The following AK6 variants were observed in gnomAD, a reference collection of about 807,000 sequenced individuals.
The protein encoded by AK6 is adenylate kinase isoenzyme 6.
A neutral mutation model predicts 23.7 loss-of-function variants in AK6; 24 were observed. The ratio of observed to expected loss-of-function variants is 1.01; its 90% confidence interval spans 0.73 to 1.43. AK6 has a LOEUF of 1.43. AK6 is among the 40% of genes most tolerant of loss of function. AK6 has a pLI of 0.00. For missense variants in AK6, 191 were observed against 199.1 expected (o/e 0.96, Z 0.24); for synonymous variants, 73 against 69.8 (o/e 1.05, Z -0.23).
Position 69,367,944 on chromosome 5 carries a change from C to T in AK6, c.29-1349G>A, listed in dbSNP as rs373604211. 6.6e-5 allele frequency: 10 copies of T among 152,278 alleles called. 2 individuals carry two copies. The highest frequency in any genetic ancestry group is 2.2e-4 in the African/African-American group (9 of 41,564). The allele number at this position is 152,278 out of a possible 1,614,324, so 9.4% of individuals were successfully genotyped here. On this transcript the variant is annotated intron_variant, in intron 1 of 4. Transcript: ENST00000380822. ...ATTTGGGAGGAGAAGGCGGGAGGAT[C>T]GCTTAAGCGCAGGAGTTCGAGACCA...
chr5:69,353,125 T>C (rs1761990930), intron 4 of AK6, among the ~76,000 whole-genome samples: 1 of 151,994 alleles, frequency 6.6e-6, no homozygotes, highest in African/African-American at 2.4e-5. Flanking sequence ...ACAAACTAAT[T>C]TGACAGGAGA....
chr5:69,356,494 A>G lies in AK6; in HGVS notation c.122-541T>C, dbSNP rs187785455. ...GAGAACCTGTTTCTACAGAAAAAAA[A>G]AAAAAAATTAGGCAGGCATGGTGGT... On this transcript the variant is annotated intron_variant, in intron 2 of 4. Coordinates refer to ENST00000380822, the MANE Select transcript of AK6 (RefSeq NM_016283.5). Among the ~76,000 whole-genome samples, 43 of 151,990 alleles carry G rather than the reference A, an allele frequency of 2.8e-4. No individual in the cohort carries two copies. The East Asian group carries it at 8.3e-3, about 29-fold the overall frequency.
At chr5:69,354,701 T>G (rs890914698) in intron 4 of AK6, among the ~76,000 whole-genome samples, 3 of 152,244 alleles carry the variant, frequency 2.0e-5, no homozygotes, top group Admixed American at 2.0e-4. Context: ...TTTCATAAGC[T>G]TTCCCACTCC....
chr5:69,366,163 T>A (rs1274882165), intron 2 of AK6, among the ~76,000 whole-genome samples: 2 of 152,238 alleles, frequency 1.3e-5, no homozygotes, highest in Non-Finnish European at 2.9e-5. Flanking sequence ...ATACTCACTG[T>A]GCTCATATAT....
In AK6 at chr5:69,364,658, T is replaced by C. The variant is rs962121245; in HGVS notation, c.121+1845A>G. On this transcript the variant is annotated intron_variant, in intron 2 of 4. Coordinates refer to ENST00000380822, the MANE Select transcript of AK6 (RefSeq NM_016283.5). ...CAAAAATAGACTGCAGTACTGCAAA[T>C]TGCTGCAACTGCCAACTGTTACTCC... 18 of 513,758 alleles carry C rather than the reference T, an allele frequency of 3.5e-5. No individual in the cohort carries two copies. In the South Asian group the frequency reaches 3.7e-4, roughly 11 times the overall value. 31.8% of individuals were successfully genotyped at this position (513,758 alleles called of 1,614,324 possible). A position where few individuals can be genotyped will look rare whatever the true frequency, so the allele number is the denominator to read the frequency against.
At position 69,351,734 on chromosome 5, in the gene AK6, T is replaced by C. The variant is rs1385399189; in HGVS notation, c.*327A>G. The C allele has an allele frequency of 5.1e-6, 1 of 197,618 alleles. No individual in the cohort carries two copies. The highest frequency in any genetic ancestry group is 1.2e-4 in the East Asian group (1 of 8,320). 12.2% of individuals were successfully genotyped at this position (197,618 alleles called of 1,614,324 possible). On this transcript the variant is annotated 3_prime_UTR_variant, in exon 5 of 5. Coordinates refer to ENST00000380822, the MANE Select transcript of AK6 (RefSeq NM_016283.5). ...AAAAAAGGAATACTCTGTTGCTTTATCTTTAGTTTTATTTTAAGAGATCAT... is the reference window on the plus strand; with the variant it reads ...AAAAAAGGAATACTCTGTTGCTTTACCTTTAGTTTTATTTTAAGAGATCAT...
chr5:69,365,265 C>G (rs1762370987), intron 2 of AK6: 1 of 1,614,022 alleles, frequency 6.2e-7, no homozygotes, highest in African/African-American at 1.3e-5. Context: ...TGTGGGAGTA[C>G]TTGGTCTGCT....
At chr5:69,356,675 A>G (rs560450615) in intron 2 of AK6, among the ~76,000 whole-genome samples, 24 of 152,154 alleles carry the variant, frequency 1.6e-4, no homozygotes, top group African/African-American at 5.5e-4. Flanking sequence ...GAAAAAAGCA[A>G]TAACAGATTC....
In AK6 at chr5:69,369,465, G is replaced by T. The variant is rs748322598; in HGVS notation, c.26C>A (p.Thr9Asn). Residue 9 changes from threonine to asparagine, a missense_variant and splice_region_variant, in exon 1 of 5, where the codon ACC becomes AAC. Coordinates refer to ENST00000380822, the MANE Select transcript of AK6 (RefSeq NM_016283.5). Reference sequence around the variant, plus strand: ...CCCTCCCGGCCGCGCGCCCTGACCGGTGAGCAGGATGTTCGGAAGCAACAT... The same window carrying T: ...CCCTCCCGGCCGCGCGCCCTGACCGTTGAGCAGGATGTTCGGAAGCAACAT... MLLPNILL[T>N]GTPGVGKTTL... 6.2e-7 allele frequency: 1 copy of T among 1,610,788 alleles called. No individual in the cohort carries two copies. The highest frequency in any genetic ancestry group is 1.1e-5 in the South Asian group (1 of 90,848).
At chr5:69,369,754 A>C, upstream of AK6, 3 of 1,508,270 alleles carry the variant, frequency 2.0e-6, no homozygotes, top group Admixed American at 6.0e-5. Flanking sequence ...CCTAAGTCAC[A>C]CACTCCTTCG....
At chr5:69,364,064 G>C (rs1269269035) in intron 2 of AK6, among the ~76,000 whole-genome samples, 1 of 151,952 alleles carries the variant, frequency 6.6e-6, no homozygotes, top group Non-Finnish European at 1.5e-5. Flanking sequence ...CTGCAGCCTG[G>C]GCAACAAAAT....
chr5:69,366,192 C>G (rs560025569), intron 2 of AK6, among the ~76,000 whole-genome samples: 28 of 152,262 alleles, frequency 1.8e-4, no homozygotes, highest in Non-Finnish European at 1.5e-5. Flanking sequence ...CAGTACCAAA[C>G]CTTTGTTTGT....
chr5:69,369,721 C>T (rs1366805875), upstream of AK6: 2 of 1,550,230 alleles, frequency 1.3e-6, no homozygotes, highest in African/African-American at 2.7e-5. Context: ...GTCGGTACTT[C>T]GGGTCAGGCA....
rs763374978 is a variant in AK6, at chr5:69,365,547, G to C, written c.121+956C>G. On this transcript the variant is annotated intron_variant, in intron 2 of 4. Transcript: ENST00000380822. ...TCGCACATCATCTGCATCAACAGTA[G>C]CTTTCTTAGCATGGCTTGAATAAAT... 4.3e-6 allele frequency: 7 copies of C among 1,613,834 alleles called. No homozygotes were observed. In the Admixed American group the frequency reaches 1.2e-4, roughly 27 times the overall value.
intron 2 of AK6, 126 bp downstream of exon 2, chr5:69,366,377 C>T (rs1762425671): frequency 4.2e-6 from 3 of 708,334 alleles, no homozygotes; most frequent in South Asian, 3.6e-5. Flanking sequence ...GATTCCCTAA[C>T]AGAGTATATA....
At chr5:69,369,767 G>T (rs879604827), upstream of AK6, 6 of 1,469,094 alleles carry the variant, frequency 4.1e-6, no homozygotes, top group Non-Finnish European at 5.6e-6. Context: ...CTCCTTCGGT[G>T]GTCCCCGCCC....
chr5:69,363,895 C>T (rs1762312469), intron 2 of AK6, among the ~76,000 whole-genome samples: 1 of 151,978 alleles, frequency 6.6e-6, no homozygotes, highest in South Asian at 2.1e-4. Flanking sequence ...CAAGACCAGC[C>T]TGGACAACAT....
chr5:69,352,132 C>G lies in AK6; in HGVS notation c.448G>C (p.Glu150Gln). ...TGATCTACATTATTTTCTAGCTCTTCTGGTTTATTACTGGGCAGCTGATGC... is the reference window on the plus strand; with the variant it reads ...TGATCTACATTATTTTCTAGCTCTTGTGGTTTATTACTGGGCAGCTGATGC... ...IVHQLPSNKPEELENNVDQIL... is the reference protein window; with the variant it reads ...IVHQLPSNKPQELENNVDQIL... Residue 150 changes from glutamate (E) to glutamine (Q), a missense_variant, in exon 5 of 5, where the codon GAA (glutamate) becomes CAA (glutamine). Physicochemically the swap from Glu to Gln is conservative, Grantham distance 29. Transcript: ENST00000380822. 1 of 1,613,782 alleles carries G rather than the reference C, an allele frequency of 6.2e-7. No individual in the cohort carries two copies. The highest frequency in any genetic ancestry group is 8.5e-7 in the Non-Finnish European group (1 of 1,179,860).
In AK6 at chr5:69,364,935, AG is replaced by A. The variant is rs1762349757; in HGVS notation, c.121+1567del. 4 of 1,601,094 alleles carry A rather than the reference AG, an allele frequency of 2.5e-6. No homozygotes were observed. In the Middle Eastern group the frequency reaches 5.0e-4, roughly 202 times the overall value. Reference sequence around the variant, plus strand: ...CCAAGTATACATGTTACATTCAGCAAGGCTAGATTACAGATTATCATAGTCA... The same window carrying A: ...CCAAGTATACATGTTACATTCAGCAAGCTAGATTACAGATTATCATAGTCA... On this transcript the variant is annotated intron_variant, in intron 2 of 4. Transcript: ENST00000380822.
Sources: allele counts gnomAD v4.1 joint callset (sites outside exome capture counted in the v4.1 genomes callset), GRCh38; gene constraint gnomAD v4.1.1; transcripts MANE v1.5; gene names NCBI Gene and HGNC (gene_info 2026-07-23, HGNC 2026-07-21).